The following NWD2 variants were observed in gnomAD, a reference collection of about 807,000 sequenced individuals.
NWD2 encodes the protein NACHT and WD repeat domain-containing protein 2.
In NWD2, 37 loss-of-function variants were observed where a neutral mutation model predicts 132.7. That is an observed-to-expected ratio of 0.28 (90% CI 0.21 to 0.37). NWD2 has a LOEUF of 0.37. NWD2 is among the 10% of genes least tolerant of loss of function. NWD2 has a pLI of 1.00. For synonymous variants in NWD2, 705 were observed against 803.0 expected (o/e 0.88, Z 2.06); for missense variants, 1,592 against 2,122.4 (o/e 0.75, Z 4.91).
chr4:37,418,897 G>A (rs1488086104), intron 3 of NWD2, among the ~76,000 whole-genome samples: 5 of 151,468 alleles, frequency 3.3e-5, no homozygotes, highest in African/African-American at 9.7e-5. Context: ...TCTCATTGTC[G>A]TTTTGATTTA....
intron 1 of NWD2, among the ~76,000 whole-genome samples, chr4:37,267,277 A>G (rs1717772949): frequency 1.3e-5 from 2 of 151,990 alleles, no homozygotes; most frequent in South Asian, 2.1e-4. Flanking sequence ...TTATTCATTT[A>G]ATTACTTATT....
rs369782013 is a variant in NWD2 at position 37,445,195 on chromosome 4, C to A, written c.3207C>A (p.Asn1069Lys). ...TYINGFTLSA[N>K]HALAWLEASK... is the part of the protein sequence containing the mutation. The stretch of plus-strand genomic sequence containing the variant: ...TCAATGGATTTACACTGTCCGCCAA[C>A]CACGCCCTTGCATGGCTCGAAGCCA... Residue 1069 changes from asparagine (N) to lysine (K), a missense_variant, in exon 7 of 7, where the codon AAC becomes AAA. By Grantham distance (94) the Asn-to-Lys change is moderately conservative. This residue lies in a region of NWD2 where 1,071 missense variants were observed against 1,398.0 expected (regional missense o/e 0.77). Transcript: ENST00000309447. The surrounding 1 kb of genome is among the most constrained non-coding windows in gnomAD (Gnocchi z 4.7). 6.4e-7 allele frequency: 1 copy of A among 1,552,012 alleles called. No individual in the cohort carries two copies. Among genetic ancestry groups the A allele is most frequent in the Non-Finnish European group, 8.7e-7 (1 of 1,147,066 alleles).
At chr4:37,318,020 C>CTTTT (rs71185128) in intron 1 of NWD2, among the ~76,000 whole-genome samples, 41 of 113,324 alleles carry the variant, frequency 3.6e-4, no homozygotes, top group East Asian at 8.4e-4. Context: ...TTTTTTCTTT[C>CTTTT]TTTTTTTTTT....
At position 37,379,512 on chromosome 4, in the gene NWD2, A is replaced by G. The variant is rs60855646; in HGVS notation, c.357+23030A>G. On this transcript the variant is annotated intron_variant, in intron 3 of 6. Coordinates refer to ENST00000309447, the MANE Select transcript of NWD2 (RefSeq NM_001144990.2). ...TTTTGTATTTCAAAAAGCACATGAC[A>G]TATGTTTTATTATTTAATCCTCTAA... is the stretch of plus-strand genomic sequence containing the variant. 4.4e-3 allele frequency among the ~76,000 whole-genome samples: 665 copies of G among 152,238 alleles called. 8 individuals carry two copies. The highest frequency in any genetic ancestry group is 0.015 in the African/African-American group (642 of 41,532).
chr4:37,392,816 A>G (rs1720705222), intron 3 of NWD2, among the ~76,000 whole-genome samples: 1 of 152,076 alleles, frequency 6.6e-6, no homozygotes, highest in African/African-American at 2.4e-5. Flanking sequence ...TATTCACCTT[A>G]ACGTTGTCTC....
At chr4:37,394,799 G>GTTTT (rs1175840735) in intron 3 of NWD2, among the ~76,000 whole-genome samples, 2,934 of 52,312 alleles carry the variant, frequency 0.056, 806 homozygotes, top group African/African-American at 0.13. Context: ...AACCTTTATG[G>GTTTT]TTTTTTTTTT....
At chr4:37,296,140 T>C (rs1449793960) in intron 1 of NWD2, among the ~76,000 whole-genome samples, 2 of 152,226 alleles carry the variant, frequency 1.3e-5, no homozygotes. Context: ...CTTCCTTTTC[T>C]GTTTTTTAAA....
intron 1 of NWD2, among the ~76,000 whole-genome samples, chr4:37,290,481 G>A (rs1718336084): frequency 6.6e-6 from 1 of 152,106 alleles, no homozygotes; most frequent in African/African-American, 2.4e-5. Flanking sequence ...GAGTGTTATG[G>A]GAGTGTATTT....
At chr4:37,359,082 T>C (rs1215552040) in intron 3 of NWD2, among the ~76,000 whole-genome samples, 1 of 152,188 alleles carries the variant, frequency 6.6e-6, no homozygotes, top group East Asian at 1.9e-4. Flanking sequence ...CCCCCTTTTA[T>C]AACCCTGTTG....
intron 2 of NWD2, among the ~76,000 whole-genome samples, chr4:37,337,127 C>T (rs907515471): frequency 6.6e-6 from 1 of 152,092 alleles, no homozygotes; most frequent in Non-Finnish European, 1.5e-5. Context: ...ACACATGAGG[C>T]AACAGACTAA....
chr4:37,249,970 T>C (rs1243311887), intron 1 of NWD2, among the ~76,000 whole-genome samples: 2 of 152,226 alleles, frequency 1.3e-5, no homozygotes, highest in East Asian at 3.9e-4. Context: ...TAGTGCTCAA[T>C]TGCTTGAACT....
intron 3 of NWD2, among the ~76,000 whole-genome samples, chr4:37,416,151 T>C (rs1401845118): frequency 6.6e-6 from 1 of 152,148 alleles, no homozygotes; most frequent in Non-Finnish European, 1.5e-5. Context: ...GAGCCTGTTG[T>C]GGGCCAGGCA....
In NWD2 at chr4:37,313,969, TAC is replaced by T. The variant is rs1376092216; in HGVS notation, c.152-11965_152-11964del. Among the ~76,000 whole-genome samples the T allele has an allele frequency of 6.6e-5, 10 of 151,460 alleles. 1 individual carries two copies. The highest frequency in any genetic ancestry group is 2.5e-4 in the African/African-American group (10 of 40,726). On this transcript the variant is annotated intron_variant, in intron 1 of 6. Transcript: ENST00000309447. ...CGTCGGCCTCCCAAAGTACTGAGAT[TAC>T]AGGCGTGAGCCACTGCGCCTGGCCA...
At chr4:37,399,441 A>T (rs1720861753) in intron 3 of NWD2, among the ~76,000 whole-genome samples, 1 of 152,190 alleles carries the variant, frequency 6.6e-6, no homozygotes, top group Non-Finnish European at 1.5e-5. Flanking sequence ...CAATGCCCTT[A>T]TTTTATTAGC....
intron 1 of NWD2, among the ~76,000 whole-genome samples, chr4:37,322,122 G>A (rs901381971): frequency 2.0e-5 from 3 of 152,112 alleles, no homozygotes; most frequent in South Asian, 2.1e-4. Context: ...TGTCACTGGC[G>A]CATGTGTGGC....
chr4:37,443,157 T>C lies in NWD2; in HGVS notation c.1297-128T>C. 1 of 795,460 alleles carries C rather than the reference T, an allele frequency of 1.3e-6. No homozygotes were observed. Among genetic ancestry groups the C allele is most frequent in the Non-Finnish European group, 1.9e-6 (1 of 521,460 alleles). 49.3% of individuals were successfully genotyped at this position (795,460 alleles called of 1,614,324 possible). A position where few individuals can be genotyped will look rare whatever the true frequency, so the allele number is the denominator to read the frequency against. On this transcript the variant is annotated intron_variant, in intron 6 of 6. Coordinates refer to ENST00000309447, the MANE Select transcript of NWD2 (RefSeq NM_001144990.2). The surrounding 1 kb of genome is among the most constrained non-coding windows in gnomAD (Gnocchi z 4.1). ...GGCCTTCTCAGAGGGTTTTTCCAAT[T>C]TTTGGTCCTAAGCTATTTCCTGCAC...
chr4:37,328,231 T>G (rs1421313051), intron 2 of NWD2, among the ~76,000 whole-genome samples: 1 of 152,116 alleles, frequency 6.6e-6, no homozygotes, highest in African/African-American at 2.4e-5. Context: ...ATGTCACCCC[T>G]AGAGATGCTT....
intron 2 of NWD2, among the ~76,000 whole-genome samples, chr4:37,350,392 C>T (rs1243953272): frequency 1.3e-5 from 2 of 152,110 alleles, no homozygotes; most frequent in Non-Finnish European, 2.9e-5. Context: ...TTGAAGAGGT[C>T]TTTCACATCC....
intron 5 of NWD2, among the ~76,000 whole-genome samples, chr4:37,436,746 A>T (rs2973215): frequency 0.79 from 120,183 of 151,986 alleles, 47,622 homozygotes; most frequent in Middle Eastern, 0.89. Flanking sequence ...TACACAGATG[A>T]CTAGAAAAGA....
Sources: allele counts gnomAD v4.1 joint callset (sites outside exome capture counted in the v4.1 genomes callset), GRCh38; gene constraint gnomAD v4.1.1; regional missense constraint gnomAD v4.1.1; non-coding constraint Gnocchi (gnomAD v3.1); transcripts MANE v1.5; gene names NCBI Gene and HGNC (gene_info 2026-07-23, HGNC 2026-07-21).